Variants in RAD51B observed in about 807,000 individuals in gnomAD.
RAD51B encodes the protein DNA repair protein RAD51 homolog 2.
Under a neutral mutation model 42.2 loss-of-function variants are expected in RAD51B, and 38 were observed. The observed-to-expected ratio is 0.90, with a 90% CI of 0.70 to 1.18. The LOEUF (loss-of-function observed/expected upper bound fraction) is 1.18. RAD51B is among the 50% of genes most tolerant of loss of function. The pLI, the probability that RAD51B is intolerant of heterozygous loss-of-function variation, is 0.00. For synonymous variants in RAD51B, 154 were observed against 145.2 expected, an observed-to-expected ratio of 1.06 and a Z score of -0.43; for missense variants, 373 against 400.7, an observed-to-expected ratio of 0.93 and a Z score of 0.59.
Position 67,825,640 on chromosome 14 carries a change from T to C in RAD51B, c.198+63T>C, listed in dbSNP as rs935148646. ...TTCCTCATCTCATTAAACATGTTTT[T>C]TTAGGGATGAGGCACATGCAGAAAT... On this transcript the variant is annotated intron_variant, in intron 3 of 10. Coordinates refer to ENST00000471583, the MANE Select transcript of RAD51B (RefSeq NM_133510.4). The C allele has an allele frequency of 2.7e-5, 35 of 1,273,898 alleles. No homozygotes were observed. The African/African-American group carries it at 4.9e-4, about 18-fold the overall frequency. 78.9% of individuals were successfully genotyped at this position (1,273,898 alleles called of 1,614,324 possible).
chr14:67,947,280 A>G (rs1401713364), intron 7 of RAD51B, among the ~76,000 whole-genome samples: 1 of 152,236 alleles, frequency 6.6e-6, no homozygotes, highest in Non-Finnish European at 1.5e-5. Flanking sequence ...CTTCTTGTTT[A>G]GAGAAGCAGA....
chr14:68,404,685 G>A (rs927596623), intron 8 of RAD51B, among the ~76,000 whole-genome samples: 11 of 152,136 alleles, frequency 7.2e-5, no homozygotes, highest in African/African-American at 2.7e-4. Flanking sequence ...CAACCAGAGA[G>A]GATCAGTTCC....
At chr14:68,541,543 G>A in intron 10 of RAD51B, 1 of 985,430 alleles carries the variant, frequency 1.0e-6, no homozygotes. Flanking sequence ...AGGTCAGAGG[G>A]GAAAGTTGAG....
intron 7 of RAD51B, among the ~76,000 whole-genome samples, chr14:68,218,964 A>T (rs17105200): frequency 2.6e-5 from 4 of 152,232 alleles, no homozygotes; most frequent in African/African-American, 9.6e-5. Flanking sequence ...TGACAGGACA[A>T]TGGGAAAATT....
At position 68,468,248 on chromosome 14, in the gene RAD51B, A is replaced by T; in HGVS notation, c.1034A>T (p.Gln345Leu). The T allele has an allele frequency of 6.2e-7, 1 of 1,612,156 alleles. No homozygotes were observed. The highest frequency in any genetic ancestry group is 8.5e-7 in the Non-Finnish European group (1 of 1,178,242). ...ATCAAGGAGGAAGGCCTGGTTCTTCAAGGTAAGATCCTTGGATTAAGCCAT... is the reference window on the plus strand; with the variant it reads ...ATCAAGGAGGAAGGCCTGGTTCTTCTAGGTAAGATCCTTGGATTAAGCCAT... Reference protein sequence around the residue: ...YTIKEEGLVLQGQEKP With the variant: ...YTIKEEGLVLLGQEKP Residue 345 changes from glutamine (Q) to leucine (L), a missense_variant and splice_region_variant, in exon 10 of 11, where the codon CAA (glutamine) becomes CTA (leucine). Physicochemically the swap from Gln to Leu is moderately radical, Grantham distance 113 (BLOSUM62 -2). Transcript: ENST00000471583.
chr14:67,825,318 A>AAAATACTAC (rs2040788204), intron 2 of RAD51B, 146 bp from the exon 3 acceptor site: 1 of 539,516 alleles, frequency 1.9e-6, no homozygotes, highest in African/African-American at 1.9e-5. Context: ...ATTTATGGGG[A>AAAATACTAC]AAATACTACA....
At chr14:67,844,859 G>A (rs1451406324) in intron 4 of RAD51B, among the ~76,000 whole-genome samples, 1 of 152,062 alleles carries the variant, frequency 6.6e-6, no homozygotes, top group Non-Finnish European at 1.5e-5. Context: ...GATGAAGCTG[G>A]AAACCATTTT....
intron 7 of RAD51B, among the ~76,000 whole-genome samples, chr14:68,204,334 C>A (rs2079545215): frequency 6.6e-6 from 1 of 152,102 alleles, no homozygotes; most frequent in South Asian, 2.1e-4. Flanking sequence ...AATAGCTGGC[C>A]AATGGAGCAG....
chr14:68,564,677 T>C (rs1889334349), intron 10 of RAD51B, among the ~76,000 whole-genome samples: 1 of 152,198 alleles, frequency 6.6e-6, no homozygotes. Flanking sequence ...CAAGGGCACC[T>C]TCCCAAGAGC....
At chr14:68,518,368 G>A (rs1886307946) in intron 10 of RAD51B, among the ~76,000 whole-genome samples, 1 of 152,184 alleles carries the variant, frequency 6.6e-6, no homozygotes, top group Non-Finnish European at 1.5e-5. Flanking sequence ...GCCTGTGACT[G>A]CAGGCCCCGG....
chr14:68,666,419 G>C (rs893804905), intron 11 of RAD51B, among the ~76,000 whole-genome samples: 1 of 152,216 alleles, frequency 6.6e-6, no homozygotes, highest in Non-Finnish European at 1.5e-5. Context: ...TAAGAGAAAG[G>C]AGACAGGGCC....
At chr14:68,629,537 A>G (rs1481616080) in intron 10 of RAD51B, among the ~76,000 whole-genome samples, 2 of 152,210 alleles carry the variant, frequency 1.3e-5, no homozygotes, top group Non-Finnish European at 2.9e-5. Context: ...CAGCTTGCGA[A>G]CAAAGCTTTC....
At position 68,291,949 on chromosome 14, in the gene RAD51B, G is replaced by A. The variant is rs771292369; in HGVS notation, c.822G>A (p.Val274=). 1.9e-6 allele frequency: 3 copies of A among 1,613,744 alleles called. No homozygotes were observed. The South Asian group carries it at 3.3e-5, about 18-fold the overall frequency. Residue 274 remains valine, a synonymous_variant, in exon 8 of 11, where the codon GTG becomes GTA. Coordinates refer to ENST00000471583, the MANE Select transcript of RAD51B (RefSeq NM_133510.4). ...CCCTGGCTTCTCAGGCAGACCTGGT[G>A]TCTCCAGCTGATGATTTGTCCCTGT... ...SGALASQADL[V]SPADDLSLSE...
At chr14:68,071,673 G>A (rs2076741879) in intron 7 of RAD51B, among the ~76,000 whole-genome samples, 1 of 152,078 alleles carries the variant, frequency 6.6e-6, no homozygotes, top group South Asian at 2.1e-4. Context: ...CTAGTATTTT[G>A]TTGAGGATTT....
chr14:68,430,396 C>T (rs2084971597), intron 9 of RAD51B, among the ~76,000 whole-genome samples: 1 of 152,160 alleles, frequency 6.6e-6, no homozygotes, highest in Non-Finnish European at 1.5e-5. Context: ...AATGTTCTTC[C>T]ATTTGTTTGT....
At chr14:68,545,996 A>G (rs1241071706) in intron 10 of RAD51B, among the ~76,000 whole-genome samples, 2 of 152,146 alleles carry the variant, frequency 1.3e-5, no homozygotes, top group Admixed American at 1.3e-4. Flanking sequence ...TCTGTTTTTT[A>G]GCTTGCTTCT....
chr14:68,212,404 C>G (rs1468558315), intron 7 of RAD51B, among the ~76,000 whole-genome samples: 1 of 152,148 alleles, frequency 6.6e-6, no homozygotes, highest in Non-Finnish European at 1.5e-5. Flanking sequence ...GACTCAGAGC[C>G]TTACATAGAG....
At chr14:68,179,973 G>T (rs1389404263) in intron 7 of RAD51B, among the ~76,000 whole-genome samples, 1 of 152,094 alleles carries the variant, frequency 6.6e-6, no homozygotes, top group Non-Finnish European at 1.5e-5. Context: ...AGAAACAGAT[G>T]GTAGAATGTA....
chr14:68,203,731 T>A (rs907835528), intron 7 of RAD51B, among the ~76,000 whole-genome samples: 6 of 152,236 alleles, frequency 3.9e-5, no homozygotes, highest in African/African-American at 1.2e-4. Flanking sequence ...TCATCAATGA[T>A]CTTAGCTAGA....
Sources: allele counts gnomAD v4.1 joint callset (sites outside exome capture counted in the v4.1 genomes callset), GRCh38; gene constraint gnomAD v4.1.1; transcripts MANE v1.5; gene names NCBI Gene and HGNC (gene_info 2026-07-23, HGNC 2026-07-21).